NSUN6: variants seen among roughly 807,000 people sequenced by gnomAD.
NSUN6 encodes the protein NOP2/Sun RNA methyltransferase 6, also known as tRNA (cytosine(72)-C(5))-methyltransferase NSUN6.
In NSUN6, 64 loss-of-function variants were observed where a neutral mutation model predicts 58.0. The ratio of observed to expected loss-of-function variants is 1.10; its 90% CI spans 0.90 to 1.36. The LOEUF (loss-of-function observed/expected upper bound fraction) is 1.36. Ranked by LOEUF, NSUN6 falls within the 40% of genes most tolerant of loss-of-function variation. The pLI, the probability that NSUN6 is intolerant of heterozygous loss-of-function variation, is 0.00. For missense variants in NSUN6, 701 were observed against 550.1 expected (o/e 1.27, Z -2.74); for synonymous variants, 231 against 193.9 (o/e 1.19, Z -1.59).
rs2057125470 is a variant in NSUN6, at chr10:18,586,106, A to G, written c.778-13T>C. The G allele has an allele frequency of 6.5e-7, 1 of 1,548,804 alleles. No homozygotes were observed. Among genetic ancestry groups the G allele is most frequent in the East Asian group, 2.3e-5 (1 of 43,626 alleles). On this transcript the variant is annotated splice_polypyrimidine_tract_variant and intron_variant, in intron 7 of 10. Transcript: ENST00000377304. ...CTATAACTTCTCCCTAAAAAGAAAC[A>G]AAACACACACATGCAGAAAAAAAAA...
Position 18,545,881 on chromosome 10 carries a change from A to AAAAAAAAAAC in NSUN6, c.*51_*52insGTTTTTTTTT. ...CAACACTTTGGTTAAAAAAAAAAAA[A>AAAAAAAAAAC]CCACAGACAGCAAATGTTTGGAATT... On this transcript the variant is annotated 3_prime_UTR_variant, in exon 11 of 11. Transcript: ENST00000377304. 9.3e-7 allele frequency: 1 copy of AAAAAAAAAAC among 1,071,734 alleles called. No individual in the cohort carries two copies. The highest frequency in any genetic ancestry group is 1.4e-6 in the Non-Finnish European group (1 of 715,982). 66.4% of individuals were successfully genotyped at this position (1,071,734 alleles called of 1,614,324 possible).
rs1244708484 is a variant in NSUN6, at chr10:18,614,542, A to G, written c.493T>C (p.Phe165Leu). 4 of 1,537,678 alleles carry G rather than the reference A, an allele frequency of 2.6e-6. No individual in the cohort carries two copies. Among genetic ancestry groups the G allele is most frequent in the African/African-American group, 1.4e-5 (1 of 71,376 alleles). Reference sequence around the variant, plus strand: ...CCAAGAAATACTTTTGTTCCATCAAATTCTTTGGCTCCTTTCTTACATTTT... The same window carrying G: ...CCAAGAAATACTTTTGTTCCATCAAGTTCTTTGGCTCCTTTCTTACATTTT... ...KGKCKKGAKE[F>L]DGTKVFLGNG... Residue 165 changes from phenylalanine to leucine, a missense_variant, in exon 5 of 11, where the codon TTT (phenylalanine) becomes CTT (leucine). Phe to Leu is a conservative substitution (Grantham distance 22). Transcript: ENST00000377304.
At chr10:18,626,516 C>A (rs1230610028) in intron 3 of NSUN6, among the ~76,000 whole-genome samples, 1 of 152,166 alleles carries the variant, frequency 6.6e-6, no homozygotes, top group African/African-American at 2.4e-5. Flanking sequence ...GCCTGTAATC[C>A]CAGCACTTTA....
chr10:18,556,312 G>GGAATGGAATA (rs2055016110), intron 8 of NSUN6, among the ~76,000 whole-genome samples: 1 of 149,826 alleles, frequency 6.7e-6, no homozygotes, highest in Non-Finnish European at 1.5e-5. Flanking sequence ...GGAATGCAAT[G>GGAATGGAATA]GAGAATGGAA....
At chr10:18,558,177 G>C (rs2055190626) in intron 8 of NSUN6, among the ~76,000 whole-genome samples, 2 of 151,692 alleles carry the variant, frequency 1.3e-5, no homozygotes, top group South Asian at 2.1e-4. Flanking sequence ...GAATGGAATG[G>C]AATGGAATGC....
chr10:18,554,962 AGAATGG>A (rs2054877386), intron 8 of NSUN6, among the ~76,000 whole-genome samples: 1 of 151,276 alleles, frequency 6.6e-6, no homozygotes, highest in Admixed American at 6.6e-5. Context: ...AATGAAATGG[AGAATGG>A]AATGGACACT....
At chr10:18,596,421 A>C in intron 6 of NSUN6, 94 bp from the exon 7 acceptor site, 1 of 757,844 alleles carries the variant, frequency 1.3e-6, no homozygotes, top group Non-Finnish European at 2.2e-6. Flanking sequence ...GGGGTAATCC[A>C]CTACAGCATC....
At position 18,615,290 on chromosome 10, in the gene NSUN6, T is replaced by C. The variant is rs543460154; in HGVS notation, c.422-677A>G. On this transcript the variant is annotated intron_variant, in intron 4 of 10. Transcript: ENST00000377304. ...CAGTGTTATTTATAATTGGAAATTA[T>C]ATTCCACTTCCAAAAAACATTTTTA... Among the ~76,000 whole-genome samples, 12 of 152,310 alleles carry C rather than the reference T, an allele frequency of 7.9e-5. No homozygotes were observed. The South Asian group carries it at 1.9e-3, about 24-fold the overall frequency.
At chr10:18,572,324 T>C (rs2056412784) in intron 8 of NSUN6, among the ~76,000 whole-genome samples, 1 of 151,532 alleles carries the variant, frequency 6.6e-6, no homozygotes, top group Admixed American at 6.6e-5. Context: ...TCAATCTCCA[T>C]TCCATTCCAT....
intron 8 of NSUN6, among the ~76,000 whole-genome samples, chr10:18,581,421 G>C (rs1182435698): frequency 6.6e-6 from 1 of 152,150 alleles, no homozygotes; most frequent in African/African-American, 2.4e-5. Flanking sequence ...CTGGCACCAT[G>C]ACAATTTACA....
At chr10:18,553,452 ATGGAATGGAGAATGAAC>A (rs1373210193) in intron 8 of NSUN6, among the ~76,000 whole-genome samples, 12 of 151,610 alleles carry the variant, frequency 7.9e-5, no homozygotes, top group African/African-American at 2.9e-4. Context: ...GCGAAATGGA[ATGGAATGGAGAATGAAC>A]TGGAATGGAG....
intron 7 of NSUN6, among the ~76,000 whole-genome samples, chr10:18,589,720 T>C (rs895206474): frequency 6.6e-6 from 1 of 152,190 alleles, no homozygotes; most frequent in South Asian, 2.1e-4. Context: ...AGGGATTTTG[T>C]CACCACCAGT....
chr10:18,548,134 G>A lies in NSUN6; in HGVS notation c.1175C>T (p.Pro392Leu), dbSNP rs756766828. The A allele has an allele frequency of 2.5e-6, 4 of 1,613,766 alleles. No individual in the cohort carries two copies. In the South Asian group the frequency reaches 4.4e-5, roughly 18 times the overall value. The stretch of plus-strand genomic sequence containing the variant: ...TACCTGGGGCTGAAGCTGAAGGCAA[G>A]GAAATTTTGTCAGGGCCCAGGCAAC... The part of the protein sequence containing the change: ...EQVAWALTKF[P>L]CLQLQPQEPQ... The change falls in exon 10 of 11, where the codon CCT (proline) becomes CTT (leucine). Residue 392 changes from proline to leucine, a missense_variant. Physicochemically the swap from Pro to Leu is moderately conservative, Grantham distance 98. Coordinates refer to ENST00000377304, the MANE Select transcript of NSUN6 (RefSeq NM_182543.5).
At chr10:18,593,380 T>C (rs1177193581) in intron 7 of NSUN6, among the ~76,000 whole-genome samples, 1 of 152,140 alleles carries the variant, frequency 6.6e-6, no homozygotes, top group Non-Finnish European at 1.5e-5. Flanking sequence ...GGATTATAAA[T>C]CATTCTGCTA....
chr10:18,634,121 C>T (rs1315679769), intron 3 of NSUN6, among the ~76,000 whole-genome samples: 5 of 152,164 alleles, frequency 3.3e-5, no homozygotes, highest in African/African-American at 9.7e-5. Context: ...TGGTGGCACA[C>T]ACATACACAA....
intron 8 of NSUN6, among the ~76,000 whole-genome samples, chr10:18,566,237 CCATTCCATTCCA>C (rs1421731248): frequency 6.7e-6 from 1 of 148,322 alleles, no homozygotes; most frequent in African/African-American, 2.5e-5. Context: ...ATTCCGCAAT[CCATTCCATTCCA>C]CATTCCATTC....
intron 5 of NSUN6, among the ~76,000 whole-genome samples, chr10:18,611,660 G>C (rs1174811594): frequency 6.6e-6 from 1 of 152,010 alleles, no homozygotes; most frequent in Non-Finnish European, 1.5e-5. Flanking sequence ...CTCCCCAGTA[G>C]CTGCGACTAC....
chr10:18,555,562 T>C (rs1356253512), intron 8 of NSUN6, among the ~76,000 whole-genome samples: 1 of 141,246 alleles, frequency 7.1e-6, no homozygotes, highest in Non-Finnish European at 1.6e-5. Context: ...GAATAGAGAA[T>C]GGAATGGAAT....
chr10:18,639,475 C>G lies in NSUN6; in HGVS notation c.311+3001G>C, dbSNP rs116162507. On this transcript the variant is annotated intron_variant, in intron 3 of 10. Transcript: ENST00000377304. The stretch of plus-strand genomic sequence containing the variant: ...CATCACTGCACTCCAGCCGGGGTGA[C>G]AGACTTGAGACTCCGTCTCAAAAAA... 9.3e-3 allele frequency among the ~76,000 whole-genome samples: 1,415 copies of G among 152,168 alleles called. 20 individuals are homozygous for G. The highest frequency in any genetic ancestry group is 0.032 in the African/African-American group (1,333 of 41,524).
Sources: gnomAD v4.1 joint callset for allele counts (sites outside exome capture counted in the v4.1 genomes callset) on GRCh38, gnomAD v4.1.1 for gene constraint, MANE v1.5 for transcripts, NCBI Gene and HGNC (gene_info 2026-07-23, HGNC 2026-07-21) for gene names.